The following CACNA1A variants were observed in gnomAD, a reference collection of about 807,000 sequenced individuals.
The protein encoded by CACNA1A is calcium voltage-gated channel subunit alpha1 A.
Under a neutral mutation model 262.4 loss-of-function variants are expected in CACNA1A, and 57 were observed. The ratio of observed to expected loss-of-function variants is 0.22; its 90% CI spans 0.18 to 0.27. The LOEUF is 0.27. CACNA1A is among the 10% of genes least tolerant of loss of function. The pLI is 1.00. For synonymous variants in CACNA1A, 1,431 were observed against 1,419.3 expected (o/e 1.01, Z -0.18); for missense variants, 2,526 against 3,562.8 (o/e 0.71, Z 7.41).
At chr19:13,322,075 G>A (rs376462146) in intron 10 of CACNA1A, among the ~76,000 whole-genome samples, 6 of 151,796 alleles carry the variant, frequency 4.0e-5, no homozygotes, top group African/African-American at 1.5e-4. Context: ...GGTGGCACAC[G>A]CCTGTAATCC....
intron 26 of CACNA1A, 86 bp from the exon 27 acceptor site, chr19:13,259,787 A>T: frequency 6.8e-7 from 1 of 1,473,442 alleles, no homozygotes; most frequent in Non-Finnish European, 9.3e-7. Context: ...AGGGGGAGGG[A>T]AAGGAAGAGT....
chr19:13,430,636 T>C (rs4926159), intron 3 of CACNA1A, among the ~76,000 whole-genome samples: 52,957 of 151,986 alleles, frequency 0.35, 9,844 homozygotes, highest in African/African-American at 0.49. Context: ...ATTTAGTGAA[T>C]ACTTACTATG....
intron 3 of CACNA1A, among the ~76,000 whole-genome samples, chr19:13,405,134 G>T (rs1375487138): frequency 1.3e-5 from 2 of 151,940 alleles, no homozygotes; most frequent in African/African-American, 4.8e-5. Context: ...GACCTCAAGT[G>T]ATCTGCCCGC....
intron 3 of CACNA1A, among the ~76,000 whole-genome samples, chr19:13,377,744 G>A (rs1464292942): frequency 6.6e-6 from 1 of 152,090 alleles, no homozygotes; most frequent in Non-Finnish European, 1.5e-5. Flanking sequence ...ATTTCATAAG[G>A]CTATAGCTGC....
chr19:13,301,366 T>G (rs2057785217), intron 17 of CACNA1A, among the ~76,000 whole-genome samples: 2 of 152,108 alleles, frequency 1.3e-5, no homozygotes, highest in Admixed American at 1.3e-4. Context: ...CCAACTACCC[T>G]CACACACAGA....
rs375668173 is a variant in CACNA1A at position 13,385,403 on chromosome 19, C to T, written c.540-13624G>A. ...TGCCACCATGCCTGGCTAATTTTTA[C>T]ATTTTTAGTAGAGACGGGGTTTCAC... On this transcript the variant is annotated intron_variant, in intron 3 of 46. Transcript: ENST00000360228. Among the ~76,000 whole-genome samples the T allele has an allele frequency of 7.6e-3, 1,148 of 151,878 alleles. 17 individuals carry two copies. Among genetic ancestry groups the T allele is most frequent in the African/African-American group, 0.026 (1,075 of 41,468 alleles).
chr19:13,392,751 T>C (rs2059731297), intron 3 of CACNA1A, among the ~76,000 whole-genome samples: 1 of 151,882 alleles, frequency 6.6e-6, no homozygotes, highest in Non-Finnish European at 1.5e-5. Flanking sequence ...TTCCTTCCTT[T>C]CTTCTTTTTG....
intron 10 of CACNA1A, among the ~76,000 whole-genome samples, chr19:13,326,980 C>T (rs1205995865): frequency 1.3e-5 from 2 of 151,612 alleles, no homozygotes; most frequent in East Asian, 2.0e-4. Context: ...GCAGCCTTGA[C>T]CTCCTGGGCT....
At chr19:13,222,395 T>C (rs1015509658) in intron 38 of CACNA1A, among the ~76,000 whole-genome samples, 1 of 6,120 alleles carries the variant, frequency 1.6e-4, no homozygotes, top group Non-Finnish European at 2.7e-4. Flanking sequence ...CCTTCTCGGC[T>C]TTTTTTTTTT....
intron 4 of CACNA1A, among the ~76,000 whole-genome samples, chr19:13,367,963 T>A (rs1268483634): frequency 6.6e-6 from 1 of 152,134 alleles, no homozygotes; most frequent in Non-Finnish European, 1.5e-5. Flanking sequence ...GGGTTAATAC[T>A]GAAATTCGCA....
chr19:13,294,428 A>G (rs149264854), intron 19 of CACNA1A, among the ~76,000 whole-genome samples: 1 of 150,244 alleles, frequency 6.7e-6, no homozygotes, highest in Non-Finnish European at 1.5e-5. Flanking sequence ...GGGCTCAAGC[A>G]ATCCTTTGCC....
In CACNA1A at chr19:13,317,441, T is replaced by C. The variant is rs1239838047; in HGVS notation, c.1346-120A>G. On this transcript the variant is annotated intron_variant, in intron 10 of 46. Coordinates refer to ENST00000360228, the MANE Select transcript of CACNA1A (RefSeq NM_001127222.2). ...TCCATTAGTCTCTCCAGCAAGCCTCTGGCCTGAGGGAACCATCATGACCCA... is the reference window on the plus strand; with the variant it reads ...TCCATTAGTCTCTCCAGCAAGCCTCCGGCCTGAGGGAACCATCATGACCCA... 5 of 770,652 alleles carry C rather than the reference T, an allele frequency of 6.5e-6. No homozygotes were observed. In the Admixed American group the frequency reaches 1.3e-4, roughly 20 times the overall value. 47.7% of individuals were successfully genotyped at this position (770,652 alleles called of 1,614,324 possible). A position where few individuals can be genotyped will look rare whatever the true frequency, so the allele number is the denominator to read the frequency against.
At chr19:13,367,467 C>T (rs1321093769) in intron 4 of CACNA1A, among the ~76,000 whole-genome samples, 10 of 152,030 alleles carry the variant, frequency 6.6e-5, no homozygotes, top group African/African-American at 1.4e-4. Context: ...GTGGCTCACG[C>T]CTGTAATCCC....
At chr19:13,440,870 A>T (rs1469968943) in intron 3 of CACNA1A, among the ~76,000 whole-genome samples, 3 of 152,178 alleles carry the variant, frequency 2.0e-5, no homozygotes, top group Non-Finnish European at 4.4e-5. Context: ...CAGTGGTGCA[A>T]GCACGGCTCA....
chr19:13,232,468 A>G (rs1323884538), intron 34 of CACNA1A, among the ~76,000 whole-genome samples: 1 of 151,894 alleles, frequency 6.6e-6, no homozygotes, highest in Non-Finnish European at 1.5e-5. Context: ...GCGGTGGCTC[A>G]CACCTGTAAT....
intron 3 of CACNA1A, among the ~76,000 whole-genome samples, chr19:13,441,294 T>C (rs1599462414): frequency 6.6e-6 from 1 of 152,162 alleles, no homozygotes. Context: ...AGACTGGCTG[T>C]CCTCATTTAG....
chr19:13,499,161 C>T (rs59804133), intron 1 of CACNA1A, among the ~76,000 whole-genome samples: 5,804 of 152,010 alleles, frequency 0.038, 115 homozygotes, highest in African/African-American at 0.061. Flanking sequence ...CACTCTCGAC[C>T]GGCCCCAAAG....
chr19:13,312,814 T>A, intron 11 of CACNA1A, 33 bp from the exon 12 acceptor site: 7 of 1,104,462 alleles, frequency 6.3e-6, no homozygotes, highest in Non-Finnish European at 9.2e-6. Context: ...AGAGAGGAGG[T>A]TAGGCTTGCT....
intron 44 of CACNA1A, 59 bp downstream of exon 44, chr19:13,210,558 G>A: frequency 2.1e-6 from 3 of 1,458,674 alleles, no homozygotes; most frequent in South Asian, 1.2e-5. Context: ...CCTGGAGGGG[G>A]GGTGGGGAGG....
Sources: gnomAD v4.1 joint callset for allele counts (sites outside exome capture counted in the v4.1 genomes callset) on GRCh38, gnomAD v4.1.1 for gene constraint, MANE v1.5 for transcripts, NCBI Gene and HGNC (gene_info 2026-07-23, HGNC 2026-07-21) for gene names.